The following OPRM1 variants were observed in gnomAD, a reference collection of about 807,000 sequenced individuals.
The protein encoded by OPRM1 is mu-type opioid receptor.
A neutral mutation model predicts 31.8 loss-of-function variants in OPRM1; 27 were observed. The ratio of observed to expected loss-of-function variants is 0.85; its 90% CI spans 0.63 to 1.17. OPRM1 has a LOEUF of 1.17. Among genes scored for constraint, OPRM1 ranks in the 50% most tolerant of loss-of-function variants. OPRM1 has a pLI of 0.00. For missense variants in OPRM1, 536 were observed against 511.1 expected (o/e 1.05, Z -0.47); for synonymous variants, 196 against 189.9 (o/e 1.03, Z -0.26).
chr6:154,173,166 C>G (rs1413671181), intron 3 of OPRM1, among the ~76,000 whole-genome samples: 2 of 152,192 alleles, frequency 1.3e-5, no homozygotes, highest in African/African-American at 4.8e-5. Flanking sequence ...ATCCGTAGGT[C>G]ACCAACACCT....
upstream of OPRM1, chr6:154,039,082 C>T: frequency 6.9e-7 from 1 of 1,443,524 alleles, no homozygotes; most frequent in South Asian, 1.4e-5. Flanking sequence ...TGATGTTAGC[C>T]CCCTTTCTTA....
chr6:154,165,817 G>C (rs1799382335), intron 3 of OPRM1, among the ~76,000 whole-genome samples: 1 of 152,216 alleles, frequency 6.6e-6, no homozygotes, highest in Non-Finnish European at 1.5e-5. Context: ...TCACTGTGTT[G>C]CTTGCTCTGA....
intron 3 of OPRM1, among the ~76,000 whole-genome samples, chr6:154,225,939 C>T (rs1212469488): frequency 2.6e-5 from 4 of 152,174 alleles, no homozygotes; most frequent in Non-Finnish European, 5.9e-5. Context: ...GTTTTTAGTC[C>T]TCCCTTAATT....
intron 1 of OPRM1, among the ~76,000 whole-genome samples, chr6:154,015,709 G>T (rs563787878): frequency 2.0e-5 from 3 of 151,214 alleles, no homozygotes; most frequent in Middle Eastern, 3.4e-3. Context: ...AGCAAATAAA[G>T]ACAAATGACA....
At chr6:154,214,269 T>C (rs761949705) in intron 3 of OPRM1, 2 of 1,608,232 alleles carry the variant, frequency 1.2e-6, no homozygotes, top group South Asian at 1.1e-5. Flanking sequence ...CCAAGTTTAT[T>C]TAACCACCTA....
At chr6:154,067,043 G>C (rs1050423613) in intron 1 of OPRM1, among the ~76,000 whole-genome samples, 3 of 152,026 alleles carry the variant, frequency 2.0e-5, no homozygotes, top group Non-Finnish European at 4.4e-5. Flanking sequence ...TTATTGTAGT[G>C]ATCTGATTAT....
At chr6:154,135,975 C>T (rs570991158), downstream of OPRM1, among the ~76,000 whole-genome samples, 21 of 152,322 alleles carry the variant, frequency 1.4e-4, no homozygotes, top group South Asian at 4.1e-3. Context: ...CTTTGCTGGG[C>T]TTTACCTGTG....
At chr6:154,101,779 G>C (rs1275846887) in intron 3 of OPRM1, among the ~76,000 whole-genome samples, 1 of 151,928 alleles carries the variant, frequency 6.6e-6, no homozygotes, top group Non-Finnish European at 1.5e-5. Context: ...CAAACACCTA[G>C]TTTTCAAATA....
intron 3 of OPRM1, chr6:154,109,039 T>G (rs1433754335): frequency 7.1e-6 from 7 of 985,098 alleles, no homozygotes; most frequent in Non-Finnish European, 8.4e-6. Flanking sequence ...ATAGGTCACA[T>G]CAAGAGAATT....
chr6:154,113,064 C>T (rs1207857244), intron 3 of OPRM1, among the ~76,000 whole-genome samples: 1 of 152,222 alleles, frequency 6.6e-6, no homozygotes, highest in Non-Finnish European at 1.5e-5. Flanking sequence ...AAAACAGGAA[C>T]AGTTGGCTAC....
chr6:154,228,497 T>A (rs1163515486), intron 3 of OPRM1, among the ~76,000 whole-genome samples: 1 of 152,240 alleles, frequency 6.6e-6, no homozygotes, highest in Non-Finnish European at 1.5e-5. Flanking sequence ...TGTTTTATGA[T>A]GTTCTATGAT....
intron 3 of OPRM1, among the ~76,000 whole-genome samples, chr6:154,179,031 G>GC: frequency 6.6e-6 from 1 of 152,330 alleles, no homozygotes; most frequent in African/African-American, 2.4e-5. Context: ...GATGCACTGT[G>GC]CCCCAGGTCC....
At chr6:154,142,099 A>G (rs1440810297) in intron 3 of OPRM1, among the ~76,000 whole-genome samples, 1 of 113,718 alleles carries the variant, frequency 8.8e-6, no homozygotes, top group Non-Finnish European at 1.9e-5. Flanking sequence ...TGGACCTGTA[A>G]TCTGTCCCCT....
chr6:154,186,328 T>C (rs187721490), intron 3 of OPRM1, among the ~76,000 whole-genome samples: 33 of 152,352 alleles, frequency 2.2e-4, no homozygotes, highest in African/African-American at 6.5e-4. Context: ...CTTGAAATCA[T>C]CTTTGACTTC....
At chr6:154,198,247 T>A (rs1776781570) in intron 3 of OPRM1, among the ~76,000 whole-genome samples, 1 of 152,200 alleles carries the variant, frequency 6.6e-6, no homozygotes, top group Non-Finnish European at 1.5e-5. Flanking sequence ...ATTCTGTGCT[T>A]CCAAGGAGAT....
intron 3 of OPRM1, among the ~76,000 whole-genome samples, chr6:154,110,736 A>T (rs1305514094): frequency 1.3e-5 from 2 of 151,910 alleles, no homozygotes; most frequent in Non-Finnish European, 2.9e-5. Context: ...AAAATTCAAA[A>T]ACTTAGCAGG....
chr6:154,013,381 A>C (rs981470674), intron 1 of OPRM1, among the ~76,000 whole-genome samples: 1 of 152,174 alleles, frequency 6.6e-6, no homozygotes, highest in African/African-American at 2.4e-5. Flanking sequence ...TTCTATAAGC[A>C]ATGTCATTCA....
chr6:154,034,149 A>G (rs917256086), upstream of OPRM1, among the ~76,000 whole-genome samples: 3 of 152,368 alleles, frequency 2.0e-5, no homozygotes, highest in Admixed American at 1.3e-4. Flanking sequence ...AGCTTCTGCC[A>G]CAAACTAAAG....
At chr6:154,224,865 C>G (rs1381734372) in intron 3 of OPRM1, among the ~76,000 whole-genome samples, 1 of 152,100 alleles carries the variant, frequency 6.6e-6, no homozygotes, top group African/African-American at 2.4e-5. Context: ...CTCTTGACAG[C>G]CTTCTTAATT....
Sources: gnomAD v4.1 joint callset for allele counts (sites outside exome capture counted in the v4.1 genomes callset) on GRCh38, gnomAD v4.1.1 for gene constraint, MANE v1.5 for transcripts, NCBI Gene and HGNC (gene_info 2026-07-23, HGNC 2026-07-21) for gene names.